TSPAN9: variants seen among roughly 807,000 people sequenced by gnomAD.
TSPAN9 encodes tetraspanin-9.
A neutral mutation model predicts 31.0 loss-of-function variants in TSPAN9; 16 were observed. The observed-to-expected ratio is 0.52, with a 90% confidence interval of 0.35 to 0.78. The LOEUF (loss-of-function observed/expected upper bound fraction) is 0.78, where lower values mean the gene tolerates loss of function less well. Among genes scored for constraint, TSPAN9 ranks in the 30% least tolerant of loss-of-function variants. The pLI is 0.01. For missense variants in TSPAN9, 272 were observed against 312.5 expected (o/e 0.87, Z 0.98); for synonymous variants, 145 against 121.6 (o/e 1.19, Z -1.27).
intron 4 of TSPAN9, 29 bp downstream of exon 4, chr12:3,278,641 C>T: frequency 6.2e-7 from 1 of 1,601,136 alleles, no homozygotes; most frequent in South Asian, 1.1e-5. Context: ...CCCAGCCCCT[C>T]CAACTCCTGA....
chr12:3,096,033 C>T (rs1393466739), intron 2 of TSPAN9, among the ~76,000 whole-genome samples: 1 of 50,858 alleles, frequency 2.0e-5, no homozygotes, highest in African/African-American at 6.4e-5. Context: ...CTCCTCCAGC[C>T]GCTGCCTCCC....
chr12:3,219,462 G>A (rs771976547), intron 3 of TSPAN9, among the ~76,000 whole-genome samples: 7 of 152,184 alleles, frequency 4.6e-5, no homozygotes, highest in Non-Finnish European at 8.8e-5. Context: ...TCGGGCACCT[G>A]TCCAAGGCGG....
In TSPAN9 at chr12:3,145,481, G is replaced by A. The variant is rs1047510910; in HGVS notation, c.-17-55696G>A. 4.6e-5 allele frequency among the ~76,000 whole-genome samples: 7 copies of A among 152,156 alleles called. No homozygotes were observed. The East Asian group carries it at 1.3e-3, about 29-fold the overall frequency. ...GATTTCCTCCTTTTTGATACCCGTG[G>A]GCAGAGGAGCACCCACCTCAGTACA... is the stretch of plus-strand genomic sequence containing the variant. On this transcript the variant is annotated intron_variant, in intron 2 of 8. Transcript: ENST00000011898.
intron 2 of TSPAN9, among the ~76,000 whole-genome samples, chr12:3,193,702 G>A (rs1042329268): frequency 2.0e-5 from 3 of 152,240 alleles, no homozygotes; most frequent in Non-Finnish European, 4.4e-5. Flanking sequence ...GCTGTGCTCC[G>A]TGGAGCCCCT....
intron 2 of TSPAN9, among the ~76,000 whole-genome samples, chr12:3,119,261 C>G (rs978396170): frequency 6.6e-6 from 1 of 152,182 alleles, no homozygotes; most frequent in Non-Finnish European, 1.5e-5. Context: ...CCTGCTTTAC[C>G]TTTGATGCAT....
In TSPAN9 at chr12:3,280,491, C is replaced by T. The variant is rs767582157; in HGVS notation, c.432+8C>T. On this transcript the variant is annotated splice_region_variant and intron_variant, in intron 6 of 8. Transcript: ENST00000011898. The surrounding 1 kb of genome is among the most constrained non-coding windows in gnomAD (Gnocchi z 4.5). ...AACATCATCCAGGCTGAGGTGCGGG[C>T]TGGGCCGCCCTGGTGGGGCCAGGCA... The T allele has an allele frequency of 8.7e-6, 14 of 1,609,074 alleles. No individual in the cohort carries two copies. The South Asian group carries it at 1.4e-4, about 16-fold the overall frequency.
At chr12:3,222,387 G>A (rs1024246398) in intron 3 of TSPAN9, among the ~76,000 whole-genome samples, 4 of 152,220 alleles carry the variant, frequency 2.6e-5, no homozygotes, top group Non-Finnish European at 4.4e-5. Context: ...GTTGGACGGT[G>A]GTGGTAGCAG....
chr12:3,226,771 TATATATATATATATATATATA>T (rs1565622564), intron 3 of TSPAN9, among the ~76,000 whole-genome samples: 6 of 5,162 alleles, frequency 1.2e-3, no homozygotes, highest in African/African-American at 3.0e-3. Context: ...TATATATATA[TATATATATATATATATATATA>T]TATTTTTTTT....
intron 2 of TSPAN9, among the ~76,000 whole-genome samples, chr12:3,152,396 G>A (rs1303967920): frequency 6.6e-6 from 1 of 150,444 alleles, no homozygotes; most frequent in Non-Finnish European, 1.5e-5. Context: ...TCCTGTGGCA[G>A]TCCTTCTGTC....
intron 3 of TSPAN9, among the ~76,000 whole-genome samples, chr12:3,208,857 T>C (rs1167625988): frequency 4.6e-5 from 7 of 152,208 alleles, no homozygotes; most frequent in Non-Finnish European, 5.9e-5. Flanking sequence ...ACGCCACATG[T>C]ATTGGCATTC....
chr12:3,181,682 A>G (rs2098358651), intron 2 of TSPAN9, among the ~76,000 whole-genome samples: 1 of 152,176 alleles, frequency 6.6e-6, no homozygotes, highest in Non-Finnish European at 1.5e-5. Context: ...TGACACGCCC[A>G]AAGTCACATT....
At chr12:3,128,554 T>G (rs2098328354) in intron 2 of TSPAN9, among the ~76,000 whole-genome samples, 1 of 152,082 alleles carries the variant, frequency 6.6e-6, no homozygotes, top group African/African-American at 2.4e-5. Flanking sequence ...TGAGACCCTG[T>G]CTCAACCCCT....
chr12:3,279,544 G>C (rs1222185597), intron 5 of TSPAN9, among the ~76,000 whole-genome samples: 1 of 152,242 alleles, frequency 6.6e-6, no homozygotes, highest in African/African-American at 2.4e-5. Flanking sequence ...AGCCCTTGAG[G>C]ACGGGCGCTG....
intron 2 of TSPAN9, among the ~76,000 whole-genome samples, chr12:3,178,875 G>T (rs2098357323): frequency 6.6e-6 from 1 of 152,172 alleles, no homozygotes; most frequent in South Asian, 2.1e-4. Context: ...ATCTGCTGTG[G>T]GGGATCTGAT....
rs145081091 is a variant in TSPAN9 at position 3,280,610 on chromosome 12, G to C, written c.432+127G>C. 2.2e-3 allele frequency: 1,853 copies of C among 830,422 alleles called. 28 individuals are homozygous for C. The African/African-American group carries it at 0.029, about 13-fold the overall frequency. The allele number at this position is 830,422 out of a possible 1,614,324, so 51.4% of individuals were successfully genotyped here. A position where few individuals can be genotyped will look rare whatever the true frequency, so the allele number is the denominator to read the frequency against. ...CTGGATTTTAGCCGGGAGTGGAGTG[G>C]TACCCACGGGGGCATTTGCCTGAAC... On this transcript the variant is annotated intron_variant, in intron 6 of 8. Transcript: ENST00000011898. The surrounding 1 kb of genome is among the most constrained non-coding windows in gnomAD (Gnocchi z 4.5).
intron 2 of TSPAN9, among the ~76,000 whole-genome samples, chr12:3,113,342 G>A (rs1051355263): frequency 3.3e-5 from 5 of 152,148 alleles, no homozygotes; most frequent in African/African-American, 1.2e-4. Context: ...TGCCTGGGGA[G>A]GCTCATTCCA....
intron 3 of TSPAN9, among the ~76,000 whole-genome samples, chr12:3,256,634 A>G (rs1862351708): frequency 6.6e-6 from 1 of 152,182 alleles, no homozygotes; most frequent in African/African-American, 2.4e-5. Flanking sequence ...GCTGGGTGCT[A>G]ATCTCTTCAG....
chr12:3,145,954 C>G (rs1026628281), intron 2 of TSPAN9, among the ~76,000 whole-genome samples: 4 of 152,240 alleles, frequency 2.6e-5, no homozygotes, highest in African/African-American at 9.6e-5. Flanking sequence ...GGGCTGCAGG[C>G]ACTGGCTTGG....
chr12:3,160,223 C>T (rs1205619237), intron 2 of TSPAN9, among the ~76,000 whole-genome samples: 2 of 152,222 alleles, frequency 1.3e-5, no homozygotes, highest in Non-Finnish European at 2.9e-5. Flanking sequence ...GGCTTCTTAG[C>T]ATACTTAGCA....
Sources: allele counts gnomAD v4.1 joint callset (sites outside exome capture counted in the v4.1 genomes callset), GRCh38; gene constraint gnomAD v4.1.1; non-coding constraint Gnocchi (gnomAD v3.1); transcripts MANE v1.5; gene names NCBI Gene and HGNC (gene_info 2026-07-23, HGNC 2026-07-21).